ABCA12: variants seen among roughly 807,000 people sequenced by gnomAD.
ABCA12 encodes the protein ATP binding cassette subfamily A member 12.
ABCA12 carries 156 observed loss-of-function variants against 293.5 expected under a neutral mutation model. That is an observed-to-expected ratio of 0.53 (90% CI 0.47 to 0.61). The LOEUF (loss-of-function observed/expected upper bound fraction) is 0.61, where lower values mean the gene tolerates loss of function less well. Among genes scored for constraint, ABCA12 ranks in the 20% least tolerant of loss-of-function variants. ABCA12 has a pLI of 0.00. For missense variants in ABCA12, 2,797 were observed against 3,090.2 expected, an observed-to-expected ratio of 0.91 and a Z score of 2.25; for synonymous variants, 1,063 against 1,108.0, an observed-to-expected ratio of 0.96 and a Z score of 0.81.
At chr2:214,948,789 C>T in intron 46 of ABCA12, 52 bp from the exon 47 acceptor site, 1 of 1,611,042 alleles carries the variant, frequency 6.2e-7, no homozygotes, top group Non-Finnish European at 8.5e-7. Flanking sequence ...TTTATCCCTC[C>T]TGGTTCCCAA....
At chr2:214,956,974 C>A (rs1366574929) in intron 41 of ABCA12, among the ~76,000 whole-genome samples, 196 bp from the exon 42 acceptor site, 1 of 152,174 alleles carries the variant, frequency 6.6e-6, no homozygotes, top group African/African-American at 2.4e-5. Context: ...TTGTCTCCTG[C>A]AATATGAGGT....
At chr2:215,070,800 A>G (rs1490891001) in intron 2 of ABCA12, among the ~76,000 whole-genome samples, 1 of 152,018 alleles carries the variant, frequency 6.6e-6, no homozygotes, top group East Asian at 1.9e-4. Context: ...TAAAATGCAT[A>G]TAGAAATCAT....
At chr2:215,050,618 G>A (rs182657906) in intron 5 of ABCA12, among the ~76,000 whole-genome samples, 141 of 152,028 alleles carry the variant, frequency 9.3e-4, no homozygotes, top group Middle Eastern at 3.4e-3. Flanking sequence ...ATGAGGTGAG[G>A]TCAATTTCAT....
chr2:215,047,553 A>C (rs1559165601), intron 6 of ABCA12, among the ~76,000 whole-genome samples: 1 of 152,232 alleles, frequency 6.6e-6, no homozygotes, highest in Non-Finnish European at 1.5e-5. Context: ...TATTCAATAA[A>C]TGACATTGGG....
At chr2:215,038,509 G>A (rs1701034390) in intron 7 of ABCA12, among the ~76,000 whole-genome samples, 1 of 152,124 alleles carries the variant, frequency 6.6e-6, no homozygotes, top group Non-Finnish European at 1.5e-5. Context: ...GCTGTGTTCC[G>A]AACAGTTGGC....
At chr2:215,032,282 G>A in intron 8 of ABCA12, 1 of 150,130 alleles carries the variant, frequency 6.7e-6, no homozygotes, top group South Asian at 1.1e-4. Flanking sequence ...ATGGGTCACT[G>A]GATTTTTTTT....
At chr2:215,011,395 T>A in intron 17 of ABCA12, 44 bp downstream of exon 17, 1 of 1,397,134 alleles carries the variant, frequency 7.2e-7, no homozygotes, top group East Asian at 2.3e-5. Context: ...GTATTCTTAT[T>A]GTCATTAAGG....
chr2:214,988,271 T>G (rs1275025054), intron 26 of ABCA12, among the ~76,000 whole-genome samples: 8 of 152,204 alleles, frequency 5.3e-5, no homozygotes, highest in Non-Finnish European at 7.3e-5. Context: ...ATCATTTCTC[T>G]CATAACAATG....
At chr2:215,099,042 A>T (rs1338648965) in intron 2 of ABCA12, among the ~76,000 whole-genome samples, 1 of 152,260 alleles carries the variant, frequency 6.6e-6, no homozygotes, top group Non-Finnish European at 1.5e-5. Flanking sequence ...AATTCCCTTA[A>T]ATATGAGTCA....
chr2:215,018,708 A>G (rs1700559118), intron 13 of ABCA12, among the ~76,000 whole-genome samples: 1 of 152,258 alleles, frequency 6.6e-6, no homozygotes, highest in South Asian at 2.1e-4. Context: ...TTTATGGCAC[A>G]ATAAACAATA....
At chr2:214,973,365 T>C (rs148341943) in intron 36 of ABCA12, among the ~76,000 whole-genome samples, 172 of 151,728 alleles carry the variant, frequency 1.1e-3, no homozygotes, top group Non-Finnish European at 2.0e-3. Flanking sequence ...ACCTTTTTTC[T>C]TCAACAATCT....
rs540235749 is a variant in ABCA12 at position 215,028,278 on chromosome 2, G to A, written c.1062-1340C>T. On this transcript the variant is annotated intron_variant, in intron 9 of 52. Coordinates refer to ENST00000272895, the MANE Select transcript of ABCA12 (RefSeq NM_173076.3). ...AAGAAGACTCAGGGTGTTTAAATGT[G>A]GGTTAACAACACTGGATCCTTGAGG... Among the ~76,000 whole-genome samples the A allele has an allele frequency of 3.9e-5, 6 of 152,264 alleles. No homozygotes were observed. In the East Asian group the frequency reaches 1.2e-3, roughly 29 times the overall value.
chr2:215,079,654 A>G (rs1701898827), intron 2 of ABCA12, among the ~76,000 whole-genome samples: 1 of 152,270 alleles, frequency 6.6e-6, no homozygotes, highest in East Asian at 1.9e-4. Flanking sequence ...GGTCAAAATG[A>G]GCTGCCAGCT....
At chr2:214,950,053 G>A (rs72948349) in intron 45 of ABCA12, among the ~76,000 whole-genome samples, 1,593 of 152,176 alleles carry the variant, frequency 0.01, 13 homozygotes, top group South Asian at 0.04. Flanking sequence ...AAAATCATCT[G>A]TACTGAACAT....
At chr2:214,934,586 G>A (rs1698161518) in intron 51 of ABCA12, among the ~76,000 whole-genome samples, 1 of 152,076 alleles carries the variant, frequency 6.6e-6, no homozygotes, top group Admixed American at 6.5e-5. Flanking sequence ...TCATTTTTGT[G>A]TTAGAAGTGT....
At chr2:215,117,807 G>C (rs1030855490) in intron 1 of ABCA12, among the ~76,000 whole-genome samples, 4 of 152,190 alleles carry the variant, frequency 2.6e-5, no homozygotes, top group African/African-American at 9.7e-5. Flanking sequence ...TGGAGACTCT[G>C]TGAATTTAAT....
intron 2 of ABCA12, among the ~76,000 whole-genome samples, chr2:215,068,254 G>C (rs2106078652): frequency 6.6e-6 from 1 of 152,312 alleles, no homozygotes; most frequent in East Asian, 1.9e-4. Flanking sequence ...AAGCTCTCTA[G>C]GTAATTCTGA....
intron 1 of ABCA12, among the ~76,000 whole-genome samples, chr2:215,131,328 C>T (rs1374438574): frequency 6.6e-6 from 1 of 151,876 alleles, no homozygotes; most frequent in African/African-American, 2.4e-5. Context: ...CTTCTTTGTA[C>T]ATCTGGTAAA....
intron 1 of ABCA12, among the ~76,000 whole-genome samples, chr2:215,131,312 C>T (rs1166712515): frequency 6.6e-6 from 1 of 151,874 alleles, no homozygotes; most frequent in Admixed American, 6.6e-5. Flanking sequence ...AAGATTGGTA[C>T]CACCTCTTCT....
Sources: gnomAD v4.1 joint callset for allele counts (sites outside exome capture counted in the v4.1 genomes callset) on GRCh38, gnomAD v4.1.1 for gene constraint, MANE v1.5 for transcripts, NCBI Gene and HGNC (gene_info 2026-07-23, HGNC 2026-07-21) for gene names.